MID1: variants seen among roughly 807,000 people sequenced by gnomAD.
The protein encoded by MID1 is midline 1, also known as E3 ubiquitin-protein ligase Midline-1.
Under a neutral mutation model 40.4 loss-of-function variants are expected in MID1, and 7 were observed. The observed-to-expected ratio is 0.17, with a 90% CI of 0.10 to 0.33. The LOEUF is 0.33. Among genes scored for constraint, MID1 ranks in the 10% least tolerant of loss-of-function variants. The probability of loss-of-function intolerance (pLI) is 1.00; values close to 1 mark genes in which losing one functional copy is unlikely to be tolerated. For synonymous variants in MID1, 229 were observed against 221.2 expected, an observed-to-expected ratio of 1.04 and a Z score of -0.31; for missense variants, 367 against 558.5, an observed-to-expected ratio of 0.66 and a Z score of 3.46.
At position 10,543,833 on chromosome X, in the gene MID1, ACT is replaced by A. The variant is rs763087507; in HGVS notation, c.661-20648_661-20647del. On this transcript the variant is annotated intron_variant, in intron 2 of 9. Coordinates refer to ENST00000317552, the MANE Select transcript of MID1 (RefSeq NM_000381.4). The stretch of plus-strand genomic sequence containing the variant: ...ACTCCAGCCTGGGTGACAGAGCGAG[ACT>A]CTGTTTTTTTAAAAAAAAAAATTAG... 4.2e-3 allele frequency among the ~76,000 whole-genome samples: 454 copies of A among 106,897 alleles called. 3 individuals carry two copies. Among genetic ancestry groups the A allele is most frequent in the African/African-American group, 0.015 (428 of 29,110 alleles). 92.8% of individuals were successfully genotyped at this position (106,897 alleles called of 115,157 possible). A position where few individuals can be genotyped will look rare whatever the true frequency, so the allele number is the denominator to read the frequency against.
intron 1 of MID1, among the ~76,000 whole-genome samples, chrX:10,696,478 T>C (rs1166535083): frequency 2.7e-5 from 3 of 111,470 alleles, no homozygotes; most frequent in African/African-American, 9.8e-5. Flanking sequence ...CTTCCTTTCA[T>C]TCCTGCTCTA....
chrX:10,613,228 C>T (rs754844712), intron 1 of MID1, among the ~76,000 whole-genome samples: 25 of 111,419 alleles, frequency 2.2e-4, no homozygotes, highest in African/African-American at 3.9e-4. Flanking sequence ...CACAGTCTAC[C>T]GCATAGACCC....
chrX:10,715,082 A>G (rs1410114356), intron 1 of MID1, among the ~76,000 whole-genome samples: 1 of 112,319 alleles, frequency 8.9e-6, no homozygotes, highest in East Asian at 2.8e-4. Context: ...AAGATGGCCA[A>G]ATAGGAACAG....
At chrX:10,822,346 T>C (rs1346831539) in intron 1 of MID1, among the ~76,000 whole-genome samples, 2 of 111,916 alleles carry the variant, frequency 1.8e-5, no homozygotes, top group African/African-American at 3.3e-5. Context: ...CAACTCAAGA[T>C]GGATTAAAGA....
intron 5 of MID1, among the ~76,000 whole-genome samples, chrX:10,475,742 A>G (rs1374407455): frequency 4.5e-5 from 5 of 112,061 alleles, no homozygotes; most frequent in Non-Finnish European, 9.4e-5. Context: ...TTGAGCAAAG[A>G]AACAACCTTG....
At chrX:10,562,702 T>C (rs963605948) in intron 2 of MID1, among the ~76,000 whole-genome samples, 1 of 106,108 alleles carries the variant, frequency 9.4e-6, no homozygotes, top group South Asian at 3.8e-4. Flanking sequence ...AAGTCCAAAG[T>C]TGACTTGTAT....
intron 1 of MID1, among the ~76,000 whole-genome samples, chrX:10,639,302 T>C (rs913554433): frequency 1.8e-5 from 2 of 111,121 alleles, no homozygotes; most frequent in Admixed American, 9.6e-5. Context: ...GAATAAACAG[T>C]GTAGAGAAGT....
At chrX:10,630,535 CG>C (rs1401436151) in intron 1 of MID1, among the ~76,000 whole-genome samples, 5 of 101,541 alleles carry the variant, frequency 4.9e-5, no homozygotes, top group African/African-American at 1.5e-4. Flanking sequence ...TGTATGTGTG[CG>C]GGGGGCGGGG....
At chrX:10,762,178 G>A (rs1465669427) in intron 1 of MID1, among the ~76,000 whole-genome samples, 1 of 112,393 alleles carries the variant, frequency 8.9e-6, no homozygotes, top group Non-Finnish European at 1.9e-5. Flanking sequence ...CAATCTGTGA[G>A]AGAAAGTCTA....
chrX:10,525,401 A>G (rs1413025543), intron 2 of MID1, among the ~76,000 whole-genome samples: 2 of 112,149 alleles, frequency 1.8e-5, no homozygotes, highest in Non-Finnish European at 3.8e-5. Flanking sequence ...TGTTCCTATT[A>G]CAAAAACACG....
chrX:10,793,520 G>C (rs897541874), intron 1 of MID1, among the ~76,000 whole-genome samples: 4 of 112,006 alleles, frequency 3.6e-5, no homozygotes, highest in African/African-American at 1.3e-4. Context: ...CCCGATTTCA[G>C]CCATAGCCTC....
intron 1 of MID1, among the ~76,000 whole-genome samples, chrX:10,602,323 A>G (rs746899974): frequency 9.4e-6 from 1 of 106,917 alleles, no homozygotes; most frequent in South Asian, 4.1e-4. Context: ...CTTTATTGAG[A>G]TACAATTCAC....
chrX:10,530,337 T>C (rs1320943555), intron 2 of MID1, among the ~76,000 whole-genome samples: 1 of 111,298 alleles, frequency 9.0e-6, no homozygotes, highest in Non-Finnish European at 1.9e-5. Context: ...AATACTACCC[T>C]CCCACCACTA....
rs2043948614 is a variant in MID1 at position 10,793,633 on chromosome X, C to T, written c.-187+39921G>A. ...TTCCCCTCCTTAAAAAACCAAGCTC[C>T]TAACCCCTGTTTAGAAGGGCTTAGA... On this transcript the variant is annotated intron_variant, in intron 1 of 10. Coordinates refer to the MID1 transcript ENST00000380785. 2.7e-5 allele frequency among the ~76,000 whole-genome samples: 3 copies of T among 112,034 alleles called. No individual in the cohort carries two copies. The Admixed American group carries it at 2.8e-4, about 11-fold the overall frequency.
chrX:10,475,993 C>T (rs764347698), intron 5 of MID1, among the ~76,000 whole-genome samples: 8 of 111,427 alleles, frequency 7.2e-5, no homozygotes, highest in Admixed American at 1.9e-4. Flanking sequence ...CTAAAAATTA[C>T]ATCTGTGGGT....
intron 2 of MID1, among the ~76,000 whole-genome samples, chrX:10,556,347 C>T (rs1374666477): frequency 1.8e-5 from 2 of 111,550 alleles, no homozygotes; most frequent in Non-Finnish European, 3.8e-5. Flanking sequence ...CCCGCATCCC[C>T]AGACTTCAAA....
intron 4 of MID1, among the ~76,000 whole-genome samples, chrX:10,486,414 C>T (rs758918989): frequency 8.9e-6 from 1 of 112,256 alleles, no homozygotes; most frequent in Non-Finnish European, 1.9e-5. Flanking sequence ...GTTGCCACTG[C>T]CATCCTGGGG....
chrX:10,499,891 A>G (rs1193022766), intron 3 of MID1, among the ~76,000 whole-genome samples: 1 of 112,545 alleles, frequency 8.9e-6, no homozygotes, highest in Non-Finnish European at 1.9e-5. Flanking sequence ...ACATGGTGAC[A>G]TTAGGAAAAT....
intron 1 of MID1, among the ~76,000 whole-genome samples, chrX:10,821,064 C>T (rs997586268): frequency 5.4e-5 from 6 of 112,078 alleles, no homozygotes; most frequent in African/African-American, 6.5e-5. Context: ...CCAACTCAAG[C>T]GTTGGGTACT....
Sources: allele counts gnomAD v4.1 joint callset (sites outside exome capture counted in the v4.1 genomes callset), GRCh38; gene constraint gnomAD v4.1.1; transcripts MANE v1.5; gene names NCBI Gene and HGNC (gene_info 2026-07-23, HGNC 2026-07-21).